Variants in SEZ6L observed in about 807,000 individuals in gnomAD.
SEZ6L encodes seizure related 6 homolog like.
A neutral mutation model predicts 106.2 loss-of-function variants in SEZ6L; 37 were observed. The observed-to-expected ratio is 0.35, with a 90% CI of 0.27 to 0.46. The LOEUF is 0.46. Ranked by LOEUF, SEZ6L falls within the 20% of genes least tolerant of loss-of-function variation. The probability of loss-of-function intolerance (pLI) is 1.00; values close to 1 mark genes in which losing one functional copy is unlikely to be tolerated. For missense variants in SEZ6L, 1,172 were observed against 1,332.8 expected, an observed-to-expected ratio of 0.88 and a Z score of 1.88; for synonymous variants, 541 against 570.4, an observed-to-expected ratio of 0.95 and a Z score of 0.73.
At chr22:26,369,343 T>TTTTTTTTTTTTTTTTTTTTTTTTTA (rs2083931145) in intron 13 of SEZ6L, among the ~76,000 whole-genome samples, 1 of 89,190 alleles carries the variant, frequency 1.1e-5, no homozygotes, top group Non-Finnish European at 1.9e-5. Context: ...AAGCAGTTCT[T>TTTTTTTTTTTTTTTTTTTTTTTTTA]TTGTTTTTTT....
At chr22:26,177,452 T>C (rs1228187493) in intron 1 of SEZ6L, among the ~76,000 whole-genome samples, 2 of 152,258 alleles carry the variant, frequency 1.3e-5, no homozygotes, top group African/African-American at 4.8e-5. Context: ...AAATATTGGA[T>C]GCAATTGTTT....
rs377559096 is a variant in SEZ6L at position 26,300,914 on chromosome 22, T to C, written c.1348+1745T>C. 3.3e-5 allele frequency among the ~76,000 whole-genome samples: 5 copies of C among 152,374 alleles called. No homozygotes were observed. In the East Asian group the frequency reaches 5.8e-4, roughly 18 times the overall value. On this transcript the variant is annotated intron_variant, in intron 5 of 16. Coordinates refer to ENST00000248933, the MANE Select transcript of SEZ6L (RefSeq NM_021115.5). ...CAAATATTTTCTCCCATTTCATGGGTTGTCTTTTCACTTACTGACAGTGTT... is the reference window on the plus strand; with the variant it reads ...CAAATATTTTCTCCCATTTCATGGGCTGTCTTTTCACTTACTGACAGTGTT...
chr22:26,236,111 C>T (rs1334404957), intron 1 of SEZ6L, among the ~76,000 whole-genome samples: 1 of 152,208 alleles, frequency 6.6e-6, no homozygotes, highest in Non-Finnish European at 1.5e-5. Context: ...CCTTCCCGTC[C>T]ACCAGTTTCC....
chr22:26,275,354 T>A (rs550876503), intron 1 of SEZ6L, among the ~76,000 whole-genome samples: 14 of 152,320 alleles, frequency 9.2e-5, no homozygotes, highest in African/African-American at 3.4e-4. Context: ...TCTGAGTATG[T>A]TTAAGGTAGG....
chr22:26,375,777 G>A (rs2084204048), intron 15 of SEZ6L, 88 bp downstream of exon 15: 2 of 916,808 alleles, frequency 2.2e-6, no homozygotes, highest in Non-Finnish European at 3.3e-6. Flanking sequence ...GAGCCTCAGG[G>A]TCTCCACCTG....
chr22:26,375,231 C>T (rs2084179810), intron 14 of SEZ6L, among the ~76,000 whole-genome samples: 1 of 152,148 alleles, frequency 6.6e-6, no homozygotes, highest in Non-Finnish European at 1.5e-5. Context: ...ATCTGCTTTC[C>T]CAGTTACTGA....
At chr22:26,317,244 C>T (rs529125970) in intron 9 of SEZ6L, among the ~76,000 whole-genome samples, 5 of 152,190 alleles carry the variant, frequency 3.3e-5, no homozygotes, top group Non-Finnish European at 5.9e-5. Context: ...TTGTCCTTGT[C>T]CATAAAAATA....
At chr22:26,277,113 T>G (rs1161121503) in intron 1 of SEZ6L, among the ~76,000 whole-genome samples, 1 of 151,642 alleles carries the variant, frequency 6.6e-6, no homozygotes. Context: ...GTCTTTTTTT[T>G]TTTTTTTAAT....
intron 9 of SEZ6L, among the ~76,000 whole-genome samples, chr22:26,338,581 A>G (rs887812319): frequency 6.6e-6 from 1 of 151,554 alleles, no homozygotes; most frequent in African/African-American, 2.4e-5. Flanking sequence ...TTTTTTTGAG[A>G]CAGGGTCTCG....
In SEZ6L at chr22:26,185,843, T is replaced by G. The variant is rs17372061; in HGVS notation, c.94+16080T>G. ...CAAGATCACACAGCTAGTAAGATCC[T>G]GCATGCATATCTGTGTCTATGTGAC... On this transcript the variant is annotated intron_variant, in intron 1 of 16. Transcript: ENST00000248933. 2.2e-3 allele frequency among the ~76,000 whole-genome samples: 328 copies of G among 152,258 alleles called. 2 individuals carry two copies. Among genetic ancestry groups the G allele is most frequent in the Admixed American group, 3.2e-3 (49 of 15,280 alleles).
chr22:26,225,574 A>G (rs78725208), intron 1 of SEZ6L, among the ~76,000 whole-genome samples: 4,248 of 152,272 alleles, frequency 0.028, 63 homozygotes, highest in Middle Eastern at 0.054. Flanking sequence ...TGACAAAATG[A>G]TGTTTTTAGC....
intron 13 of SEZ6L, among the ~76,000 whole-genome samples, chr22:26,371,587 GCAC>G: frequency 6.6e-6 from 1 of 151,652 alleles, no homozygotes; most frequent in African/African-American, 2.4e-5. Flanking sequence ...GGCTGAGATT[GCAC>G]CACTGCACTC....
chr22:26,217,633 T>A (rs910170232), intron 1 of SEZ6L, among the ~76,000 whole-genome samples: 1 of 152,246 alleles, frequency 6.6e-6, no homozygotes, highest in Non-Finnish European at 1.5e-5. Flanking sequence ...TCAATTTCTA[T>A]GGCCATGAGC....
intron 1 of SEZ6L, among the ~76,000 whole-genome samples, chr22:26,240,092 TCACACACA>T (rs1556193806): frequency 6.0e-5 from 7 of 116,138 alleles, no homozygotes; most frequent in African/African-American, 1.1e-4. Context: ...ACACACACAC[TCACACACA>T]CACACACACA....
At position 26,303,904 on chromosome 22, in the gene SEZ6L, T is replaced by C. The variant is rs556827419; in HGVS notation, c.1349-2075T>C. 3.9e-5 allele frequency among the ~76,000 whole-genome samples: 6 copies of C among 152,278 alleles called. No homozygotes were observed. The South Asian group carries it at 1.2e-3, about 32-fold the overall frequency. On this transcript the variant is annotated intron_variant, in intron 5 of 16. Coordinates refer to ENST00000248933, the MANE Select transcript of SEZ6L (RefSeq NM_021115.5). ...AATATTTTTCAAGCTCCTTTGATCC[T>C]CATAAAAGATAGAAATGGCTCCCAA...
chr22:26,175,523 A>G (rs1200989291), intron 1 of SEZ6L, among the ~76,000 whole-genome samples: 1 of 152,150 alleles, frequency 6.6e-6, no homozygotes, highest in East Asian at 1.9e-4. Context: ...CTGGATGGGT[A>G]AGTGCACCAA....
chr22:26,301,312 C>A (rs1213676201), intron 5 of SEZ6L, among the ~76,000 whole-genome samples: 2 of 152,210 alleles, frequency 1.3e-5, no homozygotes, highest in Non-Finnish European at 2.9e-5. Flanking sequence ...TCATTCAGAG[C>A]CTTTCCTATC....
intron 8 of SEZ6L, 110 bp from the exon 9 acceptor site, chr22:26,313,654 T>G: frequency 1.5e-6 from 2 of 1,302,422 alleles, no homozygotes; most frequent in South Asian, 2.6e-5. Context: ...CTGTCCACAG[T>G]ACACAGAGAT....
chr22:26,315,942 C>G (rs917004454), intron 9 of SEZ6L, among the ~76,000 whole-genome samples: 1 of 152,030 alleles, frequency 6.6e-6, no homozygotes, highest in African/African-American at 2.4e-5. Context: ...GTAGTCCCAG[C>G]TACTTGGGAG....
Sources: allele counts gnomAD v4.1 joint callset (sites outside exome capture counted in the v4.1 genomes callset), GRCh38; gene constraint gnomAD v4.1.1; transcripts MANE v1.5; gene names NCBI Gene and HGNC (gene_info 2026-07-23, HGNC 2026-07-21).